Variants in OSBPL1A observed in about 807,000 individuals in gnomAD.
OSBPL1A encodes the protein oxysterol-binding protein-related protein 1.
OSBPL1A carries 80 observed loss-of-function variants against 137.1 expected under a neutral mutation model. The observed-to-expected ratio is 0.58, with a 90% CI of 0.49 to 0.70. OSBPL1A has a LOEUF of 0.70. Ranked by LOEUF, OSBPL1A falls within the 30% of genes least tolerant of loss-of-function variation. OSBPL1A has a pLI of 0.00. For missense variants in OSBPL1A, 970 were observed against 1,129.4 expected (o/e 0.86, Z 2.02); for synonymous variants, 365 against 389.7 (o/e 0.94, Z 0.75).
chr18:24,249,515 G>T (rs572650867), intron 15 of OSBPL1A, among the ~76,000 whole-genome samples: 3 of 152,172 alleles, frequency 2.0e-5, no homozygotes, highest in African/African-American at 7.2e-5. Flanking sequence ...ATTGAGGAGG[G>T]TCCAACAGAC....
chr18:24,221,988 G>A (rs1301257243), intron 17 of OSBPL1A, among the ~76,000 whole-genome samples: 4 of 152,008 alleles, frequency 2.6e-5, no homozygotes, highest in Admixed American at 2.6e-4. Flanking sequence ...AGTTTTCTAC[G>A]GCGACGATGT....
Position 24,271,345 on chromosome 18 carries a change from A to C in OSBPL1A, c.1281+9497T>G, listed in dbSNP as rs537865415. On this transcript the variant is annotated intron_variant, in intron 15 of 27. Coordinates refer to ENST00000319481, the MANE Select transcript of OSBPL1A (RefSeq NM_080597.4). The surrounding 1 kb of genome is among the most constrained non-coding windows in gnomAD (Gnocchi z 4.0). ...CCTAATACCAATATTCAACTGAGAA[A>C]CACATCAGTCCACGGGCTTTTTCCC... is the stretch of plus-strand genomic sequence containing the variant. 5.9e-4 allele frequency among the ~76,000 whole-genome samples: 90 copies of C among 152,290 alleles called. No homozygotes were observed. Among genetic ancestry groups the C allele is most frequent in the Non-Finnish European group, 9.1e-4 (62 of 68,020 alleles).
intron 22 of OSBPL1A, 53 bp from the exon 23 acceptor site, chr18:24,171,551 G>C: frequency 7.2e-7 from 1 of 1,394,304 alleles, no homozygotes; most frequent in Non-Finnish European, 1.0e-6. Context: ...AGCAGCAGTA[G>C]AGAAAAATAA....
At position 24,181,298 on chromosome 18, in the gene OSBPL1A, G is replaced by GA. The variant is rs778043076; in HGVS notation, c.1678-20dup. On this transcript the variant is annotated intron_variant, in intron 18 of 27. Coordinates refer to ENST00000319481, the MANE Select transcript of OSBPL1A (RefSeq NM_080597.4). ...ATAGTTCCTATTTAACCAGAAAATT[G>GA]AAAGTGTTATGTCCCATATACATAA... The GA allele has an allele frequency of 5.9e-5, 95 of 1,612,862 alleles. No homozygotes were observed. The highest frequency in any genetic ancestry group is 7.6e-5 in the Non-Finnish European group (90 of 1,179,350).
intron 14 of OSBPL1A, among the ~76,000 whole-genome samples, chr18:24,298,755 A>G (rs2090343642): frequency 6.6e-6 from 1 of 152,118 alleles, no homozygotes; most frequent in Non-Finnish European, 1.5e-5. Flanking sequence ...CCATTGTTCC[A>G]CAGTGTAGTT....
Position 24,391,501 on chromosome 18 carries a change from T to C in OSBPL1A, c.-3+6154A>G, listed in dbSNP as rs1018812583. On this transcript the variant is annotated intron_variant, in intron 1 of 27. Transcript: ENST00000319481. ...GCTTTGGGAGGCTGAGGCAGGAGGA[T>C]AGCCTGAGACCAGGAGTTTAAGACC... Among the ~76,000 whole-genome samples the C allele has an allele frequency of 2.0e-5, 3 of 147,628 alleles. No individual in the cohort carries two copies. The East Asian group carries it at 5.9e-4, about 29-fold the overall frequency.
chr18:24,269,045 G>C (rs1286448952), intron 15 of OSBPL1A, among the ~76,000 whole-genome samples: 1 of 152,104 alleles, frequency 6.6e-6, no homozygotes, highest in Non-Finnish European at 1.5e-5. Context: ...TGGAGTACCA[G>C]CTCCTATTCA....
intron 1 of OSBPL1A, among the ~76,000 whole-genome samples, chr18:24,388,919 A>T (rs1730953020): frequency 6.6e-6 from 1 of 152,116 alleles, no homozygotes; most frequent in African/African-American, 2.4e-5. Context: ...TAATTCGTAA[A>T]CTATTTAATT....
At chr18:24,307,919 A>G (rs2090536370) in intron 13 of OSBPL1A, among the ~76,000 whole-genome samples, 1 of 151,170 alleles carries the variant, frequency 6.6e-6, no homozygotes, top group Non-Finnish European at 1.5e-5. Context: ...GCTCCTGTGT[A>G]GTTGGGATTA....
intron 15 of OSBPL1A, among the ~76,000 whole-genome samples, chr18:24,246,503 G>A (rs2088891082): frequency 6.6e-6 from 1 of 151,764 alleles, no homozygotes; most frequent in African/African-American, 2.4e-5. Flanking sequence ...AATAAAAGAA[G>A]ATCCCAGGTG....
At chr18:24,318,449 TA>T (rs535778470) in intron 9 of OSBPL1A, 151 bp downstream of exon 9, 18,284 of 517,218 alleles carry the variant, frequency 0.035, 1 homozygote, top group East Asian at 0.051. Context: ...TAACTAAAAA[TA>T]AAAAAAAAAA....
chr18:24,351,356 A>AAAAAAAAAAAAAAAAAAAAG, intron 4 of OSBPL1A, among the ~76,000 whole-genome samples: 1 of 150,104 alleles, frequency 6.7e-6, no homozygotes, highest in South Asian at 2.1e-4. Context: ...TCAAAAAAAA[A>AAAAAAAAAAAAAAAAAAAAG]AAAAAAAAAA....
intron 1 of OSBPL1A, among the ~76,000 whole-genome samples, chr18:24,389,249 T>A (rs1907159685): frequency 6.6e-6 from 1 of 152,178 alleles, no homozygotes. Context: ...TTCATGGCCA[T>A]GAGAATGTTT....
At chr18:24,361,331 TG>T (rs374531200) in intron 4 of OSBPL1A, among the ~76,000 whole-genome samples, 29 of 152,326 alleles carry the variant, frequency 1.9e-4, no homozygotes, top group East Asian at 1.7e-3. Context: ...CTGGCAGTGA[TG>T]TTTTTTTGTG....
intron 17 of OSBPL1A, among the ~76,000 whole-genome samples, chr18:24,202,888 T>C (rs1413806253): frequency 6.6e-6 from 1 of 152,206 alleles, no homozygotes; most frequent in Non-Finnish European, 1.5e-5. Context: ...CACACATAAT[T>C]AAAACAATCT....
intron 17 of OSBPL1A, among the ~76,000 whole-genome samples, chr18:24,212,634 T>C (rs1399520978): frequency 2.0e-5 from 3 of 152,150 alleles, no homozygotes; most frequent in Non-Finnish European, 2.9e-5. Flanking sequence ...TTTATCACAA[T>C]GAAAATGATG....
intron 4 of OSBPL1A, among the ~76,000 whole-genome samples, chr18:24,361,476 G>T (rs745323748): frequency 1.1e-4 from 17 of 152,184 alleles, no homozygotes; most frequent in Admixed American, 3.9e-4. Context: ...AGGACTTACT[G>T]TATATATGCT....
intron 19 of OSBPL1A, among the ~76,000 whole-genome samples, chr18:24,180,800 CTGGGAGGCGGAGCT>C (rs929099582): frequency 2.0e-5 from 3 of 152,284 alleles, no homozygotes; most frequent in African/African-American, 7.2e-5. Context: ...TGGCGGGAAC[CTGGGAGGCGGAGCT>C]TGCCGTGAGC....
chr18:24,166,438 T>C (rs2086147210), intron 26 of OSBPL1A, 141 bp downstream of exon 26: 8 of 1,064,044 alleles, frequency 7.5e-6, no homozygotes, highest in Admixed American at 2.9e-5. Flanking sequence ...TGAATTTAAA[T>C]TGAATGTTAA....
Sources: allele counts gnomAD v4.1 joint callset (sites outside exome capture counted in the v4.1 genomes callset), GRCh38; gene constraint gnomAD v4.1.1; non-coding constraint Gnocchi (gnomAD v3.1); transcripts MANE v1.5; gene names NCBI Gene and HGNC (gene_info 2026-07-23, HGNC 2026-07-21).